The following OVCH1 variants were observed in gnomAD, a reference collection of about 807,000 sequenced individuals.
OVCH1 encodes the protein ovochymase-1.
OVCH1 carries 139 observed loss-of-function variants against 138.4 expected under a neutral mutation model. The ratio of observed to expected loss-of-function variants is 1.00; its 90% CI spans 0.87 to 1.16. OVCH1 has a LOEUF of 1.16. OVCH1 is among the 50% of genes most tolerant of loss of function. The probability of loss-of-function intolerance (pLI) is 0.00; values close to 1 mark genes in which losing one functional copy is unlikely to be tolerated. For missense variants in OVCH1, 1,367 were observed against 1,357.9 expected (o/e 1.01, Z -0.11); for synonymous variants, 453 against 467.8 (o/e 0.97, Z 0.41).
At chr12:29,487,575 G>C in intron 7 of OVCH1, 118 bp downstream of exon 7, 1 of 1,029,924 alleles carries the variant, frequency 9.7e-7, no homozygotes. Flanking sequence ...ACTGGACTAA[G>C]AATTTAAAAC....
In OVCH1 at chr12:29,475,204, G is replaced by C. The variant is rs938566137; in HGVS notation, c.1472-15C>G. ...ACAAAGTTTAGCTGAAAAAATTTTA[G>C]GAAAGTTTGATTTATAGTTATATTT... On this transcript the variant is annotated splice_polypyrimidine_tract_variant and intron_variant, in intron 13 of 27. Coordinates refer to ENST00000318184, the Ensembl canonical transcript of OVCH1. 7.1e-7 allele frequency: 1 copy of C among 1,408,262 alleles called. No homozygotes were observed. Among genetic ancestry groups the C allele is most frequent in the Non-Finnish European group, 9.3e-7 (1 of 1,072,540 alleles). The allele number at this position is 1,408,262 out of a possible 1,614,324, so 87.2% of individuals were successfully genotyped here.
intron 21 of OVCH1, among the ~76,000 whole-genome samples, chr12:29,451,886 G>T (rs1208604982): frequency 6.6e-6 from 1 of 152,166 alleles, no homozygotes; most frequent in Admixed American, 6.6e-5. Flanking sequence ...CCTTTGAGAT[G>T]CAGCTGAAGA....
chr12:29,477,768 C>CT (rs1263810421), intron 9 of OVCH1, among the ~76,000 whole-genome samples: 5 of 152,132 alleles, frequency 3.3e-5, no homozygotes, highest in South Asian at 4.1e-4. Flanking sequence ...TAAGAGCTAC[C>CT]TTTTTTGAAT....
chr12:29,415,830 A>G (rs1418542471), intron 3 of OVCH1, among the ~76,000 whole-genome samples: 1 of 152,212 alleles, frequency 6.6e-6, no homozygotes, highest in African/African-American at 2.4e-5. Flanking sequence ...GAAAGCACAG[A>G]CCTTAGCATA....
At chr12:29,414,237 G>A (rs1382544723) in intron 3 of OVCH1, among the ~76,000 whole-genome samples, 1 of 151,964 alleles carries the variant, frequency 6.6e-6, no homozygotes, top group Non-Finnish European at 1.5e-5. Context: ...TGTTGGCCAG[G>A]CTGGTCTTGA....
At chr12:29,405,416 T>C in the OVCH1 span, among the ~76,000 whole-genome samples, 2 of 152,196 alleles carry the variant, frequency 1.3e-5, no homozygotes, top group African/African-American at 4.8e-5. Context: ...CTGGTAGCTT[T>C]GCCAAGAGGT....
chr12:29,491,330 C>A, intron 4 of OVCH1, 138 bp from the exon 5 acceptor site: 1 of 714,546 alleles, frequency 1.4e-6, no homozygotes. Flanking sequence ...AGTTTTGGCC[C>A]CTCCATATAA....
chr12:29,464,505 A>C lies in OVCH1; in HGVS notation c.2125+2T>G. The C allele has an allele frequency of 6.2e-7, 1 of 1,612,980 alleles. No individual in the cohort carries two copies. Among genetic ancestry groups the C allele is most frequent in the Non-Finnish European group, 8.5e-7 (1 of 1,179,382 alleles). On this transcript the variant is annotated splice_donor_variant, in intron 18 of 27. Coordinates refer to ENST00000318184, the Ensembl canonical transcript of OVCH1. LOFTEE classifies it high-confidence loss of function. ...ATGTTTATGCAACAAAAATATGCTT[A>C]CCTGCACTGATGCTTCCCCATCCGG...
chr12:29,454,568 G>T (rs1040369126), intron 21 of OVCH1, among the ~76,000 whole-genome samples: 17 of 152,136 alleles, frequency 1.1e-4, no homozygotes, highest in African/African-American at 4.1e-4. Flanking sequence ...CAGATTCAGA[G>T]CTTAAAATAA....
intron 8 of OVCH1, among the ~76,000 whole-genome samples, chr12:29,485,406 C>T (rs956352789): frequency 2.0e-5 from 3 of 150,594 alleles, no homozygotes; most frequent in African/African-American, 4.9e-5. Flanking sequence ...TTTGGGAGGC[C>T]GAGGCGGGTG....
At chr12:29,489,589 T>C in intron 6 of OVCH1, 31 bp downstream of exon 6, 3 of 1,575,214 alleles carry the variant, frequency 1.9e-6, no homozygotes, top group Non-Finnish European at 2.6e-6. Context: ...CACATGTTAC[T>C]GAACAGCTAG....
At chr12:29,435,274 G>T (rs963185735) in intron 26 of OVCH1, among the ~76,000 whole-genome samples, 4 of 151,998 alleles carry the variant, frequency 2.6e-5, no homozygotes, top group Non-Finnish European at 5.9e-5. Context: ...AGGATTGCTT[G>T]AGCCCAGGAG....
rs113820280 is a variant in OVCH1, at chr12:29,439,934, GC to G, written c.3158-501del. ...GTATAGGGCAAGATATGGAGACTGG[GC>G]ACAGAGCTTCAATGTTCTTTCTGGG... is the stretch of plus-strand genomic sequence containing the variant. On this transcript the variant is annotated intron_variant, in intron 25 of 27. Transcript: ENST00000318184. Among the ~76,000 whole-genome samples the G allele has an allele frequency of 3.5e-4, 53 of 152,298 alleles. 1 individual carries two copies. Among genetic ancestry groups the G allele is most frequent in the African/African-American group, 1.3e-3 (52 of 41,554 alleles).
At chr12:29,485,978 A>C (rs1943093017) in intron 8 of OVCH1, among the ~76,000 whole-genome samples, 1 of 75,126 alleles carries the variant, frequency 1.3e-5, no homozygotes, top group African/African-American at 8.1e-5. Flanking sequence ...TAAAATAAAT[A>C]AATAAATAAA....
At chr12:29,445,192 A>G in intron 23 of OVCH1, 86 bp downstream of exon 23, 1 of 1,352,226 alleles carries the variant, frequency 7.4e-7, no homozygotes, top group Non-Finnish European at 1.0e-6. Flanking sequence ...TTTCTTTCAA[A>G]ATGTTGTATA....
intron 7 of OVCH1, chr12:29,487,117 G>A (rs1010108048): frequency 2.6e-5 from 6 of 228,268 alleles, no homozygotes; most frequent in Non-Finnish European, 4.5e-5. Flanking sequence ...TGGGGCTCTG[G>A]GTCTTGTCAT....
intron 14 of OVCH1, among the ~76,000 whole-genome samples, chr12:29,474,297 G>A (rs1265486864): frequency 6.6e-6 from 1 of 152,120 alleles, no homozygotes; most frequent in Non-Finnish European, 1.5e-5. Flanking sequence ...GAGTCAGAGA[G>A]GCCAAGTTCT....
intron 26 of OVCH1, among the ~76,000 whole-genome samples, chr12:29,435,297 T>C (rs1023344072): frequency 1.3e-5 from 2 of 152,054 alleles, no homozygotes; most frequent in African/African-American, 4.8e-5. Flanking sequence ...CAAGGCTGAA[T>C]ACACTACGAT....
In OVCH1 at chr12:29,443,184, G is replaced by A. The variant is rs118141137; in HGVS notation, c.3157+177C>T. On this transcript the variant is annotated intron_variant, in intron 25 of 27. Coordinates refer to ENST00000318184, the Ensembl canonical transcript of OVCH1. The stretch of plus-strand genomic sequence containing the variant: ...GACTTTGTTTTTAACTAAACCTGAG[G>A]AGATTTTATATCTTAATTTTAAATC... Among the ~76,000 whole-genome samples, 73 of 152,078 alleles carry A rather than the reference G, an allele frequency of 4.8e-4. 1 individual carries two copies. The East Asian group carries it at 0.014, about 29-fold the overall frequency.
Sources: gnomAD v4.1 joint callset for allele counts (sites outside exome capture counted in the v4.1 genomes callset) on GRCh38, gnomAD v4.1.1 for gene constraint, MANE v1.5 for transcripts, NCBI Gene and HGNC (gene_info 2026-07-23, HGNC 2026-07-21) for gene names.